Variants in TEX9 observed in about 807,000 individuals in gnomAD.
TEX9 encodes testis expressed 9.
A neutral mutation model predicts 59.6 loss-of-function variants in TEX9; 74 were observed. That is an observed-to-expected ratio of 1.24 (90% CI 1.03 to 1.51). The LOEUF is 1.51. TEX9 is among the 40% of genes most tolerant of loss of function. The pLI, the probability that TEX9 is intolerant of heterozygous loss-of-function variation, is 0.00. For synonymous variants in TEX9, 186 were observed against 152.2 expected (o/e 1.22, Z -1.64); for missense variants, 522 against 447.8 (o/e 1.17, Z -1.49).
At chr15:56,272,600 G>A (rs1433956995) in intron 1 of TEX9, among the ~76,000 whole-genome samples, 2 of 152,140 alleles carry the variant, frequency 1.3e-5, no homozygotes, top group Non-Finnish European at 2.9e-5. Context: ...GTGAACATAT[G>A]TTTTTCCCTT....
At chr15:56,326,299 A>G (rs1321744852) in intron 1 of TEX9, among the ~76,000 whole-genome samples, 1 of 152,106 alleles carries the variant, frequency 6.6e-6, no homozygotes, top group African/African-American at 2.4e-5. Flanking sequence ...TGCGTGTATC[A>G]GCCTTTTGAT....
chr15:56,288,684 T>A (rs1353027913), intron 1 of TEX9, among the ~76,000 whole-genome samples: 9 of 152,214 alleles, frequency 5.9e-5, no homozygotes, highest in Non-Finnish European at 1.2e-4. Context: ...TGTCTTTGAT[T>A]TTTGGCAGTT....
chr15:56,439,777 AACAC>A (rs755190091), intron 12 of TEX9, among the ~76,000 whole-genome samples: 3 of 150,704 alleles, frequency 2.0e-5, no homozygotes, highest in Non-Finnish European at 3.0e-5. Flanking sequence ...AAAAAAACAA[AACAC>A]ACACACACAC....
At chr15:56,457,414 A>C in the TEX9 span, among the ~76,000 whole-genome samples, 3 of 152,362 alleles carry the variant, frequency 2.0e-5, no homozygotes, top group African/African-American at 7.2e-5. Context: ...GGAATGGCTA[A>C]AACAAAAAAC....
chr15:56,454,723 C>G, the TEX9 span, among the ~76,000 whole-genome samples: 1 of 152,164 alleles, frequency 6.6e-6, no homozygotes, highest in African/African-American at 2.4e-5. Context: ...CACCTCTCTA[C>G]CAGGACTAAA....
At chr15:56,342,691 A>T (rs1221769053) in intron 1 of TEX9, among the ~76,000 whole-genome samples, 1 of 152,170 alleles carries the variant, frequency 6.6e-6, no homozygotes, top group Non-Finnish European at 1.5e-5. Flanking sequence ...AGGAAAGGTT[A>T]TGTTGGACTG....
chr15:56,429,256 A>AGACT (rs1295819947), intron 12 of TEX9: 10 of 1,022,428 alleles, frequency 9.8e-6, no homozygotes, highest in East Asian at 2.5e-5. Flanking sequence ...AATGCTTTTA[A>AGACT]GACTGACAGA....
At chr15:56,457,096 TC>T in the TEX9 span, among the ~76,000 whole-genome samples, 1 of 152,196 alleles carries the variant, frequency 6.6e-6, no homozygotes, top group Non-Finnish European at 1.5e-5. Flanking sequence ...TTATTATTTT[TC>T]TTAAGTCTCT....
intron 1 of TEX9, among the ~76,000 whole-genome samples, chr15:56,329,971 A>G (rs2046106900): frequency 6.6e-6 from 1 of 152,098 alleles, no homozygotes; most frequent in Non-Finnish European, 1.5e-5. Context: ...ACCTCAAGGC[A>G]TTTAATAAAC....
intron 12 of TEX9, chr15:56,444,670 G>A (rs773603983): frequency 5.1e-5 from 82 of 1,608,466 alleles, no homozygotes; most frequent in Non-Finnish European, 6.8e-5. Context: ...TCAGCATCAC[G>A]TTTCTGTTAT....
At chr15:56,380,092 G>A in intron 3 of TEX9, among the ~76,000 whole-genome samples, 1 of 151,702 alleles carries the variant, frequency 6.6e-6, no homozygotes, top group Non-Finnish European at 1.5e-5. Context: ...GTTGTCTTGT[G>A]GCATTCCTTC....
intron 1 of TEX9, among the ~76,000 whole-genome samples, chr15:56,286,266 T>G (rs2044950941): frequency 6.6e-6 from 1 of 152,074 alleles, no homozygotes; most frequent in African/African-American, 2.4e-5. Flanking sequence ...GAAAGGGAGA[T>G]GTTTCCTAGG....
chr15:56,269,854 C>T (rs2044482958), intron 1 of TEX9, among the ~76,000 whole-genome samples: 1 of 151,938 alleles, frequency 6.6e-6, no homozygotes, highest in Non-Finnish European at 1.5e-5. Flanking sequence ...GATGGGGTTT[C>T]ACCGTGTTAG....
At chr15:56,377,097 C>A (rs2554293) in intron 3 of TEX9, among the ~76,000 whole-genome samples, 4,794 of 152,182 alleles carry the variant, frequency 0.032, 187 homozygotes, top group East Asian at 0.095. Flanking sequence ...TTTCTCTATT[C>A]TGTTCCATTG....
At chr15:56,290,469 A>G (rs1258310273) in intron 1 of TEX9, among the ~76,000 whole-genome samples, 1 of 152,056 alleles carries the variant, frequency 6.6e-6, no homozygotes, top group African/African-American at 2.4e-5. Flanking sequence ...GTTTTTTTCA[A>G]TACAGGTCTT....
upstream of TEX9, among the ~76,000 whole-genome samples, chr15:56,363,077 G>A (rs1418373488): frequency 6.6e-6 from 1 of 152,104 alleles, no homozygotes; most frequent in African/African-American, 2.4e-5. Flanking sequence ...TACTTTTCAT[G>A]TGGGTGTGTT....
intron 1 of TEX9, among the ~76,000 whole-genome samples, chr15:56,256,176 G>A (rs1329504956): frequency 6.6e-6 from 1 of 151,980 alleles, no homozygotes; most frequent in Non-Finnish European, 1.5e-5. Context: ...TGATCTACAT[G>A]GATTATCTTT....
At chr15:56,296,812 TCTA>T (rs1347409725) in intron 1 of TEX9, among the ~76,000 whole-genome samples, 3 of 152,222 alleles carry the variant, frequency 2.0e-5, no homozygotes, top group East Asian at 1.9e-4. Flanking sequence ...GTTCAATTAT[TCTA>T]CTTTTTTTTC....
intron 10 of TEX9, among the ~76,000 whole-genome samples, chr15:56,426,626 T>TATATATATATATATATATACAC (rs1214988827): frequency 2.1e-5 from 1 of 47,178 alleles, no homozygotes. Context: ...TATATATATA[T>TATATATATATATATATATACAC]ACACACACAC....
Sources: allele counts gnomAD v4.1 joint callset (sites outside exome capture counted in the v4.1 genomes callset), GRCh38; gene constraint gnomAD v4.1.1; transcripts MANE v1.5; gene names NCBI Gene and HGNC (gene_info 2026-07-23, HGNC 2026-07-21).